The following COL4A3 variants were observed in gnomAD, a reference collection of about 807,000 sequenced individuals.
COL4A3 encodes collagen type IV alpha 3 chain.
COL4A3 carries 135 observed loss-of-function variants against 217.4 expected under a neutral mutation model. The ratio of observed to expected loss-of-function variants is 0.62; its 90% CI spans 0.54 to 0.72. The LOEUF is 0.72. Ranked by LOEUF, COL4A3 falls within the 30% of genes least tolerant of loss-of-function variation. The pLI is 0.00. For synonymous variants in COL4A3, 690 were observed against 736.3 expected (o/e 0.94, Z 1.02); for missense variants, 1,868 against 2,119.9 (o/e 0.88, Z 2.33).
At chr2:227,299,782 T>G (rs2073200180) in intron 43 of COL4A3, among the ~76,000 whole-genome samples, 1 of 152,128 alleles carries the variant, frequency 6.6e-6, no homozygotes, top group South Asian at 2.1e-4. Context: ...CTCCAAAACT[T>G]TGGTCTGTAT....
intron 1 of COL4A3, among the ~76,000 whole-genome samples, chr2:227,183,831 C>T (rs556524828): frequency 7.9e-5 from 12 of 152,292 alleles, no homozygotes; most frequent in East Asian, 3.9e-4. Context: ...CAGTCAAGTG[C>T]CCTCTCCCAG....
intron 1 of COL4A3, among the ~76,000 whole-genome samples, chr2:227,167,194 C>G (rs2065308706): frequency 6.6e-6 from 1 of 152,196 alleles, no homozygotes; most frequent in Admixed American, 6.5e-5. Flanking sequence ...TTGTTCTACT[C>G]CAGTTAAGGA....
intron 2 of COL4A3, 43 bp downstream of exon 2, chr2:227,238,067 C>T: frequency 7.6e-7 from 1 of 1,307,972 alleles, no homozygotes; most frequent in Non-Finnish European, 1.1e-6. Flanking sequence ...CTGTAAAGCT[C>T]TAGAAGGTAA....
rs571851709 is a variant in COL4A3, at chr2:227,166,686, T to C, written c.87+1873T>C. 8.3e-4 allele frequency among the ~76,000 whole-genome samples: 127 copies of C among 152,360 alleles called. 2 individuals carry two copies. The South Asian group carries it at 0.024, about 29-fold the overall frequency. ...CTCATCACTTGAAGTAAGTCTTTCA[T>C]TAACAAGTTTTCAGGATTATCATTT... On this transcript the variant is annotated intron_variant, in intron 1 of 51. Transcript: ENST00000396578.
intron 2 of COL4A3, among the ~76,000 whole-genome samples, chr2:227,239,486 T>A (rs113499781): frequency 0.014 from 2,101 of 152,274 alleles, 46 homozygotes; most frequent in African/African-American, 0.048. Context: ...GAAAAATTAT[T>A]TGTTGGTAGA....
chr2:227,257,537 C>T, intron 17 of COL4A3, 66 bp from the exon 18 acceptor site: 1 of 1,319,692 alleles, frequency 7.6e-7, no homozygotes, highest in Non-Finnish European at 1.1e-6. Context: ...AACTGTACAT[C>T]TTGCTTTTTA....
At chr2:227,210,133 T>C (rs2067256010) in intron 1 of COL4A3, among the ~76,000 whole-genome samples, 2 of 152,354 alleles carry the variant, frequency 1.3e-5, no homozygotes, top group East Asian at 1.9e-4. Context: ...CTTTGGGACA[T>C]TGTTGAACCA....
In COL4A3 at chr2:227,164,873, G is replaced by C; in HGVS notation, c.87+60G>C. 1.4e-6 allele frequency: 2 copies of C among 1,419,826 alleles called. No homozygotes were observed. Among genetic ancestry groups the C allele is most frequent in the Non-Finnish European group, 1.8e-6 (2 of 1,091,278 alleles). The allele number at this position is 1,419,826 out of a possible 1,614,324, so 88.0% of individuals were successfully genotyped here. On this transcript the variant is annotated intron_variant, in intron 1 of 51. Transcript: ENST00000396578. The surrounding 1 kb of genome is among the most constrained non-coding windows in gnomAD (Gnocchi z 4.8). ...TTCCATCCCTCCTCCACGCGTCCGG[G>C]GGACGCGCTGGCCCCACCCGCAGCG...
chr2:227,206,369 CG>C (rs2067101484), intron 1 of COL4A3, among the ~76,000 whole-genome samples: 1 of 152,088 alleles, frequency 6.6e-6, no homozygotes, highest in African/African-American at 2.4e-5. Context: ...CACTGTGCCC[CG>C]CCCCCTCAGG....
At chr2:227,185,644 A>T (rs1051629128) in intron 1 of COL4A3, among the ~76,000 whole-genome samples, 1 of 152,226 alleles carries the variant, frequency 6.6e-6, no homozygotes, top group Non-Finnish European at 1.5e-5. Context: ...TGTAATTATA[A>T]TCCCCACAGA....
chr2:227,294,353 G>A lies in COL4A3; in HGVS notation c.3338-137G>A, dbSNP rs1457694264. The A allele has an allele frequency of 6.6e-6, 5 of 761,608 alleles. No homozygotes were observed. The Admixed American group carries it at 8.8e-5, about 13-fold the overall frequency. The allele number at this position is 761,608 out of a possible 1,614,324, so 47.2% of individuals were successfully genotyped here. On this transcript the variant is annotated intron_variant, in intron 38 of 51. Transcript: ENST00000396578. ...AATTGCAGCCTGGACAAAATCATGG[G>A]GTGACCTTGCAACAAGAGAGCTTCC...
chr2:227,175,120 CCT>C (rs373086707), intron 1 of COL4A3, among the ~76,000 whole-genome samples: 262 of 152,180 alleles, frequency 1.7e-3, no homozygotes, highest in African/African-American at 6.1e-3. Context: ...CAGGACAGGG[CCT>C]CTCAGAAGTG....
chr2:227,266,364 C>A, intron 21 of COL4A3, 53 bp from the exon 22 acceptor site: 1 of 1,294,720 alleles, frequency 7.7e-7, no homozygotes. Context: ...ACAATACTTG[C>A]TAATTGAAAA....
chr2:227,261,392 T>C (rs976301740), intron 20 of COL4A3, among the ~76,000 whole-genome samples: 1 of 152,188 alleles, frequency 6.6e-6, no homozygotes. Flanking sequence ...CTGGGCGTGG[T>C]GGCGTACGCC....
Position 227,284,263 on chromosome 2 carries a change from G to A in COL4A3, c.2799G>A (p.Lys933=), listed in dbSNP as rs762954155. 6 of 1,613,974 alleles carry A rather than the reference G, an allele frequency of 3.7e-6. No homozygotes were observed. In the South Asian group the frequency reaches 6.6e-5, roughly 18 times the overall value. Residue 933 remains lysine, a synonymous_variant, in exon 34 of 52, where the codon AAG becomes AAA. Coordinates refer to ENST00000396578, the MANE Select transcript of COL4A3 (RefSeq NM_000091.5). ...VKGQRGTPGA[K]GEQGDKGNPG... is the part of the protein sequence containing the mutation. Reference sequence around the variant, plus strand: ...GCCAGAGAGGAACCCCAGGAGCCAAGGGGGAACAAGGAGATAAAGGAAATC... The same window carrying A: ...GCCAGAGAGGAACCCCAGGAGCCAAAGGGGAACAAGGAGATAAAGGAAATC...
chr2:227,308,996 A>G lies in COL4A3; in HGVS notation c.4560A>G (p.Ser1520=), dbSNP rs2106288347. 6.2e-7 allele frequency: 1 copy of G among 1,614,212 alleles called. No homozygotes were observed. Among genetic ancestry groups the G allele is most frequent in the Non-Finnish European group, 8.5e-7 (1 of 1,180,026 alleles). Residue 1520 remains serine, a synonymous_variant, in exon 49 of 52, where the codon TCA becomes TCG. Coordinates refer to ENST00000396578, the MANE Select transcript of COL4A3 (RefSeq NM_000091.5). ...ATTTTGCATCTCGAAATGATTATTCATACTGGCTGTCAACACCAGCTCTGA... is the reference window on the plus strand; with the variant it reads ...ATTTTGCATCTCGAAATGATTATTCGTACTGGCTGTCAACACCAGCTCTGA... ...VCNFASRNDY[S]YWLSTPALMP...
chr2:227,195,708 T>C (rs2066447606), intron 1 of COL4A3, among the ~76,000 whole-genome samples: 1 of 151,282 alleles, frequency 6.6e-6, no homozygotes, highest in South Asian at 2.1e-4. Flanking sequence ...TGTGTGTGTG[T>C]ATGCTGTAGA....
intron 46 of COL4A3, among the ~76,000 whole-genome samples, chr2:227,304,641 C>G (rs565154546): frequency 2.6e-4 from 40 of 152,110 alleles, no homozygotes; most frequent in Non-Finnish European, 5.1e-4. Context: ...AATGATTATG[C>G]CTTAAGTTTG....
At chr2:227,257,370 G>A (rs79026493) in intron 17 of COL4A3, among the ~76,000 whole-genome samples, 1 of 152,314 alleles carries the variant, frequency 6.6e-6, no homozygotes, top group East Asian at 1.9e-4. Context: ...AAAGAAACCT[G>A]GAGAACCACC....
Sources: allele counts gnomAD v4.1 joint callset (sites outside exome capture counted in the v4.1 genomes callset), GRCh38; gene constraint gnomAD v4.1.1; non-coding constraint Gnocchi (gnomAD v3.1); transcripts MANE v1.5; gene names NCBI Gene and HGNC (gene_info 2026-07-23, HGNC 2026-07-21).